The following GLT1D1 variants were observed in gnomAD, a reference collection of about 807,000 sequenced individuals.
The protein encoded by GLT1D1 is glycosyltransferase 1 domain-containing protein 1.
GLT1D1 carries 21 observed loss-of-function variants against 28.7 expected under a neutral mutation model. The ratio of observed to expected loss-of-function variants is 0.73; its 90% CI spans 0.52 to 1.05. GLT1D1 has a LOEUF of 1.05. Among genes scored for constraint, GLT1D1 ranks in the 50% least tolerant of loss-of-function variants. The pLI is 0.00. For synonymous variants in GLT1D1, 147 were observed against 124.8 expected (o/e 1.18, Z -1.19); for missense variants, 343 against 330.6 (o/e 1.04, Z -0.29).
At chr12:128,979,468 C>A (rs996889957) in intron 7 of GLT1D1, among the ~76,000 whole-genome samples, 2 of 152,210 alleles carry the variant, frequency 1.3e-5, no homozygotes, top group African/African-American at 2.4e-5. Flanking sequence ...GGGCCACCCT[C>A]AGCTCTTAGA....
chr12:128,886,488 C>T (rs544927950), intron 2 of GLT1D1, among the ~76,000 whole-genome samples: 71 of 152,252 alleles, frequency 4.7e-4, no homozygotes, highest in Non-Finnish European at 7.2e-4. Flanking sequence ...GCGGATCTCC[C>T]AGGCTGAAAT....
chr12:128,919,351 G>A (rs1872420032), intron 4 of GLT1D1, among the ~76,000 whole-genome samples: 1 of 152,196 alleles, frequency 6.6e-6, no homozygotes, highest in Non-Finnish European at 1.5e-5. Context: ...GGGGGAGTGG[G>A]TGGGAAGGGC....
chr12:128,942,655 A>C (rs1434839845), intron 4 of GLT1D1, among the ~76,000 whole-genome samples: 3 of 150,356 alleles, frequency 2.0e-5, no homozygotes, highest in Non-Finnish European at 4.4e-5. Context: ...CTACTGCCCC[A>C]CTTCTCCCAG....
intron 7 of GLT1D1, among the ~76,000 whole-genome samples, chr12:128,959,411 T>TGGGGTGGG (rs1877663604): frequency 3.2e-5 from 1 of 31,508 alleles, no homozygotes. Context: ...CATGAGGCAG[T>TGGGGTGGG]GGGGGGGGAC....
intron 1 of GLT1D1, among the ~76,000 whole-genome samples, chr12:128,874,142 CTTTCTTTCTTTCTTTCTT>C (rs1956812058): frequency 1.2e-5 from 1 of 85,908 alleles, no homozygotes; most frequent in African/African-American, 3.8e-5. Flanking sequence ...TTCTTTCTTT[CTTTCTTTCTTTCTTTCTT>C]TCTTTCTTTC....
chr12:128,891,071 G>A lies in GLT1D1; in HGVS notation c.323+2327G>A, dbSNP rs1488296880. Among the ~76,000 whole-genome samples, 6 of 149,136 alleles carry A rather than the reference G, an allele frequency of 4.0e-5. No individual in the cohort carries two copies. In the Admixed American group the frequency reaches 4.0e-4, roughly 10 times the overall value. ...TTGCAGTAAGCAAGATGTTGCCATT[G>A]CACTCTAGCCTGGGTGACAGAGCGA... On this transcript the variant is annotated intron_variant, in intron 3 of 7. Transcript: ENST00000281703.
At chr12:128,964,515 A>G (rs1036933424) in intron 7 of GLT1D1, among the ~76,000 whole-genome samples, 8 of 152,230 alleles carry the variant, frequency 5.3e-5, no homozygotes, top group African/African-American at 1.9e-4. Context: ...TCACCCCACA[A>G]TATGACCCCT....
Position 128,855,242 on chromosome 12 carries a change from AAC to A in GLT1D1, c.68+1595_68+1596del, listed in dbSNP as rs1555257569. Among the ~76,000 whole-genome samples the A allele has an allele frequency of 1.5e-3, 185 of 126,730 alleles. 3 individuals carry two copies. The highest frequency in any genetic ancestry group is 2.1e-3 in the Admixed American group (24 of 11,450). 83.1% of individuals were successfully genotyped at this position (126,730 alleles called of 152,430 possible). A position where few individuals can be genotyped will look rare whatever the true frequency, so the allele number is the denominator to read the frequency against. On this transcript the variant is annotated intron_variant, in intron 1 of 7. Transcript: ENST00000281703. The stretch of plus-strand genomic sequence containing the variant: ...TCCATCTAAAAAAAAAAAAAAAAAA[AAC>A]AACAACAACAACAAAAAAAACAAAA...
chr12:128,939,157 A>G (rs2135475170), intron 4 of GLT1D1, among the ~76,000 whole-genome samples: 2 of 152,186 alleles, frequency 1.3e-5, no homozygotes, highest in East Asian at 3.9e-4. Context: ...GCCCCTGGGA[A>G]TCCAGGGGTT....
In GLT1D1 at chr12:128,956,171, A is replaced by AAAAAAAAAAAAAAAGAG. The variant is rs374597920; in HGVS notation, c.541-1373_541-1372insAAAAAAAAAAAAAGAGA. ...GAGACTCCATCTCAAAAAAAAAAAA[A>AAAAAAAAAAAAAAAGAG]AGAGAAAGAGAGAAAGAAAGAAAGA... On this transcript the variant is annotated intron_variant, in intron 6 of 7. Transcript: ENST00000281703. Among the ~76,000 whole-genome samples, 51 of 63,878 alleles carry AAAAAAAAAAAAAAAGAG rather than the reference A, an allele frequency of 8.0e-4. 5 individuals are homozygous for AAAAAAAAAAAAAAAGAG. The highest frequency in any genetic ancestry group is 1.1e-3 in the African/African-American group (25 of 22,274). The allele number at this position is 63,878 out of a possible 152,430, so 41.9% of individuals were successfully genotyped here.
intron 4 of GLT1D1, among the ~76,000 whole-genome samples, chr12:128,942,155 G>C (rs768998895): frequency 5.5e-4 from 83 of 151,548 alleles, no homozygotes; most frequent in Non-Finnish European, 1.1e-3. Flanking sequence ...GAGACATCAG[G>C]CAGCAGGAAG....
chr12:128,861,967 AT>A (rs1956388984), intron 1 of GLT1D1, among the ~76,000 whole-genome samples: 1 of 152,086 alleles, frequency 6.6e-6, no homozygotes, highest in Non-Finnish European at 1.5e-5. Context: ...AGGCTATTTT[AT>A]TTTTTCTGCC....
chr12:128,984,348 C>A lies in GLT1D1; in HGVS notation c.*1258C>A, dbSNP rs1880598663. On this transcript the variant is annotated 3_prime_UTR_variant, in exon 8 of 8. Transcript: ENST00000281703. ...TTTTCAACCATCATTTTTTTAATGGCACAACCTACATCTTGTTTTTAAAAG... is the reference window on the plus strand; with the variant it reads ...TTTTCAACCATCATTTTTTTAATGGAACAACCTACATCTTGTTTTTAAAAG... The A allele has an allele frequency of 6.6e-6, 1 of 151,894 alleles. No individual in the cohort carries two copies. 9.4% of individuals were successfully genotyped at this position (151,894 alleles called of 1,614,324 possible).
At chr12:128,917,742 T>C (rs1033729643) in intron 4 of GLT1D1, among the ~76,000 whole-genome samples, 3 of 152,112 alleles carry the variant, frequency 2.0e-5, no homozygotes, top group African/African-American at 7.2e-5. Context: ...CACTGATCAT[T>C]AGAGAAATGC....
intron 2 of GLT1D1, among the ~76,000 whole-genome samples, chr12:128,879,398 CTT>C (rs1956960275): frequency 1.3e-5 from 1 of 77,770 alleles, no homozygotes; most frequent in South Asian, 6.1e-4. Flanking sequence ...TTCTTTCTTT[CTT>C]TCTTTCTTTC....
At chr12:128,912,136 T>C (rs958177993) in intron 4 of GLT1D1, among the ~76,000 whole-genome samples, 2 of 152,194 alleles carry the variant, frequency 1.3e-5, no homozygotes, top group Admixed American at 6.5e-5. Flanking sequence ...TCCACTAATA[T>C]AGCAAGTGTA....
At chr12:128,970,380 C>T (rs1479049324) in intron 7 of GLT1D1, among the ~76,000 whole-genome samples, 1 of 152,228 alleles carries the variant, frequency 6.6e-6, no homozygotes, top group Admixed American at 6.5e-5. Flanking sequence ...GCAAACGCAG[C>T]TGGACCCCAT....
chr12:128,934,391 G>A (rs1346253629), intron 4 of GLT1D1, among the ~76,000 whole-genome samples: 1 of 151,882 alleles, frequency 6.6e-6, no homozygotes, highest in Non-Finnish European at 1.5e-5. Flanking sequence ...ACGGGGTTTT[G>A]CCATGTTGGC....
intron 1 of GLT1D1, among the ~76,000 whole-genome samples, chr12:128,865,614 G>A (rs1449119974): frequency 6.6e-6 from 1 of 152,186 alleles, no homozygotes; most frequent in Non-Finnish European, 1.5e-5. Flanking sequence ...CCTGAGGTCA[G>A]GAGTTTGAGA....
Sources: gnomAD v4.1 joint callset for allele counts (sites outside exome capture counted in the v4.1 genomes callset) on GRCh38, gnomAD v4.1.1 for gene constraint, MANE v1.5 for transcripts, NCBI Gene and HGNC (gene_info 2026-07-23, HGNC 2026-07-21) for gene names.